The following FMNL2 variants were observed in gnomAD, a reference collection of about 807,000 sequenced individuals.
FMNL2 encodes formin like 2, also known as formin-like protein 2.
Under a neutral mutation model 130.2 loss-of-function variants are expected in FMNL2, and 51 were observed. The ratio of observed to expected loss-of-function variants is 0.39; its 90% CI spans 0.31 to 0.49. FMNL2 has a LOEUF of 0.49. Among genes scored for constraint, FMNL2 ranks in the 20% least tolerant of loss-of-function variants. The probability of loss-of-function intolerance (pLI) is 0.85; values close to 1 mark genes in which losing one functional copy is unlikely to be tolerated. For missense variants in FMNL2, 977 were observed against 1,316.2 expected (o/e 0.74, Z 3.99); for synonymous variants, 465 against 467.1 (o/e 1.00, Z 0.06).
At chr2:152,433,297 T>C (rs1312986700) in intron 1 of FMNL2, among the ~76,000 whole-genome samples, 1 of 152,198 alleles carries the variant, frequency 6.6e-6, no homozygotes, top group Non-Finnish European at 1.5e-5. Flanking sequence ...TATTGCAAAA[T>C]AACAGTATGC....
chr2:152,578,749 T>C, intron 7 of FMNL2, 139 bp from the exon 8 acceptor site: 1 of 620,934 alleles, frequency 1.6e-6, no homozygotes, highest in Non-Finnish European at 2.8e-6. Context: ...AGTGATATAC[T>C]AGAGACATAA....
intron 4 of FMNL2, among the ~76,000 whole-genome samples, chr2:152,556,636 G>A (rs182670064): frequency 6.6e-6 from 1 of 152,234 alleles, no homozygotes; most frequent in Admixed American, 6.5e-5. Context: ...TTTTTCTTCT[G>A]TAGGTCACTT....
intron 1 of FMNL2, among the ~76,000 whole-genome samples, chr2:152,499,103 T>C (rs542624956): frequency 4.3e-4 from 65 of 152,306 alleles, no homozygotes; most frequent in Admixed American, 1.2e-3. Flanking sequence ...GCTTTTCTTC[T>C]CCGGGAGCTT....
rs982393429 is a variant in FMNL2, at chr2:152,496,674, A to C, written c.118-25269A>C. Among the ~76,000 whole-genome samples the C allele has an allele frequency of 2.6e-5, 4 of 151,970 alleles. No homozygotes were observed. The East Asian group carries it at 5.8e-4, about 22-fold the overall frequency. ...AGTTAGAATTCTGTGAGGGTGAGCT[A>C]TTCCTTCTCCTCTTATTATTTATTC... On this transcript the variant is annotated intron_variant, in intron 1 of 25. Coordinates refer to ENST00000288670, the MANE Select transcript of FMNL2 (RefSeq NM_052905.4).
At chr2:152,447,352 C>T (rs1688402344) in intron 1 of FMNL2, among the ~76,000 whole-genome samples, 1 of 152,186 alleles carries the variant, frequency 6.6e-6, no homozygotes, top group Non-Finnish European at 1.5e-5. Context: ...ATCCTCCCAC[C>T]TTGGCTTCCC....
intron 1 of FMNL2, among the ~76,000 whole-genome samples, chr2:152,511,257 AC>A (rs1167122391): frequency 6.6e-6 from 1 of 152,206 alleles, no homozygotes; most frequent in African/African-American, 2.4e-5. Flanking sequence ...ACTTTTAAGG[AC>A]CCTGTGATTA....
intron 1 of FMNL2, among the ~76,000 whole-genome samples, chr2:152,452,908 A>C (rs1235606087): frequency 1.3e-5 from 2 of 151,170 alleles, no homozygotes; most frequent in Admixed American, 6.7e-5. Flanking sequence ...ATTAGAAAGG[A>C]AATATGGCTG....
rs764715488 is a variant in FMNL2, at chr2:152,617,068, G to A, written c.1213-23G>A. The A allele has an allele frequency of 1.5e-5, 24 of 1,606,658 alleles. No homozygotes were observed. In the East Asian group the frequency reaches 5.4e-4, roughly 36 times the overall value. On this transcript the variant is annotated intron_variant, in intron 12 of 25. Coordinates refer to ENST00000288670, the MANE Select transcript of FMNL2 (RefSeq NM_052905.4). Reference sequence around the variant, plus strand: ...ATCAAGATGATCCTGTATTGTGACAGCTTTCTTTTCAAAATTTTACAGTTA... The same window carrying A: ...ATCAAGATGATCCTGTATTGTGACAACTTTCTTTTCAAAATTTTACAGTTA...
chr2:152,405,984 C>T (rs1685958172), intron 1 of FMNL2, among the ~76,000 whole-genome samples: 3 of 152,142 alleles, frequency 2.0e-5, no homozygotes, highest in Admixed American at 1.3e-4. Flanking sequence ...AAGAATTCTT[C>T]TGATTTTCAG....
At chr2:152,601,816 C>T (rs1053101627) in intron 9 of FMNL2, among the ~76,000 whole-genome samples, 3 of 151,830 alleles carry the variant, frequency 2.0e-5, no homozygotes, top group African/African-American at 7.3e-5. Flanking sequence ...ATTACAGGCG[C>T]CCGCCACCAT....
At chr2:152,601,544 G>A (rs1197786463) in intron 9 of FMNL2, among the ~76,000 whole-genome samples, 2 of 149,902 alleles carry the variant, frequency 1.3e-5, no homozygotes, top group East Asian at 2.0e-4. Context: ...CAGGCAATCC[G>A]CCCACCTTGG....
intron 9 of FMNL2, among the ~76,000 whole-genome samples, chr2:152,585,126 T>C (rs1696996458): frequency 6.6e-6 from 1 of 152,242 alleles, no homozygotes. Flanking sequence ...GACTAAATCA[T>C]TAACAGTCAA....
intron 11 of FMNL2, among the ~76,000 whole-genome samples, chr2:152,613,061 G>A (rs971274058): frequency 2.0e-5 from 3 of 152,238 alleles, no homozygotes; most frequent in African/African-American, 7.2e-5. Flanking sequence ...TGGCTGGGCT[G>A]CCCTTGAATA....
At position 152,562,354 on chromosome 2, in the gene FMNL2, G is replaced by A. The variant is rs1180185221; in HGVS notation, c.596+1319G>A. ...TTCTCTAAGTGTTTACGATCACTCC[G>A]GGTATTCAGTCATTGTTGTAGAATC... On this transcript the variant is annotated intron_variant, in intron 6 of 25. Coordinates refer to ENST00000288670, the MANE Select transcript of FMNL2 (RefSeq NM_052905.4). Among the ~76,000 whole-genome samples, 4 of 152,128 alleles carry A rather than the reference G, an allele frequency of 2.6e-5. No homozygotes were observed. In the South Asian group the frequency reaches 6.2e-4, roughly 24 times the overall value.
At chr2:152,357,608 T>C (rs1229329010) in intron 1 of FMNL2, among the ~76,000 whole-genome samples, 1 of 140,468 alleles carries the variant, frequency 7.1e-6, no homozygotes, top group Non-Finnish European at 1.5e-5. Flanking sequence ...ATTAAATCAG[T>C]TTAATGTATA....
intron 1 of FMNL2, among the ~76,000 whole-genome samples, chr2:152,456,038 A>G (rs970610583): frequency 9.2e-5 from 14 of 152,238 alleles, no homozygotes; most frequent in African/African-American, 3.1e-4. Context: ...TCATTGGATG[A>G]TGCCCACAAA....
intron 4 of FMNL2, among the ~76,000 whole-genome samples, chr2:152,550,307 G>A (rs1414666716): frequency 1.3e-5 from 2 of 152,180 alleles, no homozygotes; most frequent in Admixed American, 1.3e-4. Context: ...GGGTAAGAAT[G>A]TGCATTTCTT....
chr2:152,358,636 C>CA (rs33921980), intron 1 of FMNL2, among the ~76,000 whole-genome samples: 11,865 of 137,742 alleles, frequency 0.086, 1,139 homozygotes, highest in African/African-American at 0.24. Context: ...GACTGCATCT[C>CA]AAAAAAAAAA....
In FMNL2 at chr2:152,636,584, C is replaced by A. The variant is rs781229566; in HGVS notation, c.2838C>A (p.Ile946=). Residue 946 remains isoleucine (I), a synonymous_variant, in exon 22 of 26, where the codon ATC becomes ATA. Coordinates refer to ENST00000288670, the MANE Select transcript of FMNL2 (RefSeq NM_052905.4). ...KLKKLQDDAK[I]AQDAFDDVVK... ...AGAAGCTGCAGGATGATGCCAAGAT[C>A]GCACAGGCAAGTATTGGTGCCCCTG... The A allele has an allele frequency of 5.1e-6, 8 of 1,558,830 alleles. No homozygotes were observed. The highest frequency in any genetic ancestry group is 5.2e-6 in the Non-Finnish European group (6 of 1,150,908).
Sources: gnomAD v4.1 joint callset for allele counts (sites outside exome capture counted in the v4.1 genomes callset) on GRCh38, gnomAD v4.1.1 for gene constraint, MANE v1.5 for transcripts, NCBI Gene and HGNC (gene_info 2026-07-23, HGNC 2026-07-21) for gene names.